Variants in RBFOX1 observed in about 807,000 individuals in gnomAD.
The protein encoded by RBFOX1 is RNA binding protein fox-1 homolog 1.
In RBFOX1, 8 loss-of-function variants were observed where a neutral mutation model predicts 57.7. The observed-to-expected ratio is 0.14, with a 90% confidence interval of 0.08 to 0.25. RBFOX1 has a LOEUF of 0.25. Among genes scored for constraint, RBFOX1 ranks in the 10% least tolerant of loss-of-function variants. The pLI is 1.00. For synonymous variants in RBFOX1, 326 were observed against 222.4 expected, an observed-to-expected ratio of 1.47 and a Z score of -4.15; for missense variants, 611 against 548.5, an observed-to-expected ratio of 1.11 and a Z score of -1.14.
At chr16:7,527,570 A>G (rs1284086941) in intron 5 of RBFOX1, among the ~76,000 whole-genome samples, 1 of 152,182 alleles carries the variant, frequency 6.6e-6, no homozygotes, top group Non-Finnish European at 1.5e-5. Context: ...TATCGGGAGA[A>G]GCAGAGTAGA....
At chr16:5,305,543 C>T (rs976433558) in intron 1 of RBFOX1, among the ~76,000 whole-genome samples, 1 of 152,124 alleles carries the variant, frequency 6.6e-6, no homozygotes, top group East Asian at 1.9e-4. Context: ...TTTCAGAAAC[C>T]TGCTGTTAGG....
At chr16:6,313,233 G>A (rs890352023) in intron 1 of RBFOX1, among the ~76,000 whole-genome samples, 13 of 152,180 alleles carry the variant, frequency 8.5e-5, no homozygotes, top group Non-Finnish European at 1.3e-4. Flanking sequence ...GCTGTGTCTA[G>A]GAGCAAATCA....
intron 1 of RBFOX1, among the ~76,000 whole-genome samples, chr16:6,167,276 C>A (rs1567600597): frequency 6.6e-6 from 1 of 152,212 alleles, no homozygotes; most frequent in Non-Finnish European, 1.5e-5. Flanking sequence ...ATCTTTCTTA[C>A]CTTTCCAAAT....
Position 7,653,912 on chromosome 16 carries a change from C to T in RBFOX1, c.855C>T (p.Ala285=), listed in dbSNP as rs753003961. The T allele has an allele frequency of 8.3e-6, 13 of 1,575,708 alleles. No individual in the cohort carries two copies. Among genetic ancestry groups the T allele is most frequent in the South Asian group, 3.4e-5 (3 of 88,384 alleles). Residue 285 remains alanine, a synonymous_variant, in exon 12 of 16, where the codon GCC becomes GCT. Transcript: ENST00000550418. ...GCACCGTGTACAACACCTTCAGGGC[C>T]GCGGCGCCCCCGCCCCCGATCCCGG... is the stretch of plus-strand genomic sequence containing the variant. ...RGRTVYNTFR[A]AAPPPPIPAY...
chr16:6,984,755 C>G (rs1458015504), intron 3 of RBFOX1, among the ~76,000 whole-genome samples: 1 of 152,124 alleles, frequency 6.6e-6, no homozygotes, highest in Non-Finnish European at 1.5e-5. Flanking sequence ...ATTCTCCTGC[C>G]TCAGCCTCCT....
chr16:6,867,238 CTTTTTTTCTTCCT>C (rs1028545132), intron 3 of RBFOX1, among the ~76,000 whole-genome samples: 6 of 152,040 alleles, frequency 3.9e-5, no homozygotes, highest in Non-Finnish European at 7.4e-5. Context: ...AAAAAAAATA[CTTTTTTTCTTCCT>C]TTTTTTTCCT....
downstream of RBFOX1, among the ~76,000 whole-genome samples, chr16:5,603,765 A>G (rs1034656211): frequency 6.6e-6 from 1 of 152,198 alleles, no homozygotes; most frequent in Non-Finnish European, 1.5e-5. Flanking sequence ...TCATGTGGCC[A>G]CAAGATGGAG....
chr16:5,577,298 G>A (rs150171955), intron 2 of RBFOX1, among the ~76,000 whole-genome samples: 16 of 152,326 alleles, frequency 1.1e-4, no homozygotes, highest in African/African-American at 3.9e-4. Flanking sequence ...GTAACTAGCA[G>A]CATTGTAGTG....
chr16:7,333,134 C>G (rs2096722964), intron 4 of RBFOX1: 1 of 1,556,550 alleles, frequency 6.4e-7, no homozygotes, highest in African/African-American at 1.4e-5. Flanking sequence ...CCAGAGTGCT[C>G]AGAGTAATAA....
chr16:6,512,527 C>G (rs764475332), intron 2 of RBFOX1, among the ~76,000 whole-genome samples: 1 of 152,028 alleles, frequency 6.6e-6, no homozygotes, highest in Non-Finnish European at 1.5e-5. Context: ...AGGGTCTGGA[C>G]CAAGACTGGG....
At position 6,526,829 on chromosome 16, in the gene RBFOX1, CAAAAAAAAAAAAAAAA is replaced by C. The variant is rs541468859; in HGVS notation, c.-63-127759_-63-127744del. 1.5e-4 allele frequency among the ~76,000 whole-genome samples: 5 copies of C among 32,896 alleles called. No homozygotes were observed. In the Admixed American group the frequency reaches 2.1e-3, roughly 14 times the overall value. The allele number at this position is 32,896 out of a possible 152,430, so 21.6% of individuals were successfully genotyped here. On this transcript the variant is annotated intron_variant, in intron 2 of 15. Coordinates refer to ENST00000550418, the MANE Select transcript of RBFOX1 (RefSeq NM_018723.4). ...TTGGCAACAGAGCGAGACTCTGTCT[CAAAAAAAAAAAAAAAA>C]AAAAAAAAAAAAAACAACCAGAAAA...
chr16:7,428,408 C>T (rs947892869), intron 4 of RBFOX1, among the ~76,000 whole-genome samples: 47 of 142,830 alleles, frequency 3.3e-4, no homozygotes, highest in African/African-American at 1.2e-3. Context: ...TTCACTGCAA[C>T]TTTTGCCTCC....
chr16:6,795,063 G>A (rs2083700034), intron 3 of RBFOX1, among the ~76,000 whole-genome samples: 1 of 152,126 alleles, frequency 6.6e-6, no homozygotes, highest in African/African-American at 2.4e-5. Flanking sequence ...TAGTTGATGT[G>A]ATATATGTCA....
intron 11 of RBFOX1, among the ~76,000 whole-genome samples, chr16:7,646,819 G>T (rs1368901018): frequency 6.6e-6 from 1 of 152,146 alleles, no homozygotes; most frequent in Non-Finnish European, 1.5e-5. Flanking sequence ...GGATTTCCTG[G>T]CTGGTGAGAT....
At chr16:5,332,910 G>T (rs1472312149) in intron 1 of RBFOX1, among the ~76,000 whole-genome samples, 8 of 152,254 alleles carry the variant, frequency 5.3e-5, no homozygotes, top group East Asian at 1.9e-4. Context: ...TAGAGGCCAG[G>T]TGGAGTGGCT....
chr16:6,971,991 C>T (rs140625421), intron 3 of RBFOX1, among the ~76,000 whole-genome samples: 8 of 152,174 alleles, frequency 5.3e-5, no homozygotes, highest in African/African-American at 1.4e-4. Context: ...AATCCCTGCA[C>T]GCAAGTTTTA....
chr16:6,471,612 A>C (rs1567351447), intron 2 of RBFOX1, among the ~76,000 whole-genome samples: 1 of 150,794 alleles, frequency 6.6e-6, no homozygotes, highest in Non-Finnish European at 1.5e-5. Flanking sequence ...GTGGCAGAGA[A>C]TTTGTATTTC....
intron 4 of RBFOX1, among the ~76,000 whole-genome samples, chr16:7,366,421 T>C (rs944076918): frequency 6.6e-6 from 1 of 152,144 alleles, no homozygotes; most frequent in African/African-American, 2.4e-5. Context: ...TGAGCCGAGT[T>C]TGGCCTTGAA....
rs545236567 is a variant in RBFOX1, at chr16:6,883,545, C to G, written c.-15-168512C>G. Among the ~76,000 whole-genome samples the G allele has an allele frequency of 9.8e-5, 15 of 152,328 alleles. 1 individual carries two copies. Among genetic ancestry groups the G allele is most frequent in the African/African-American group, 3.6e-4 (15 of 41,584 alleles). On this transcript the variant is annotated intron_variant, in intron 3 of 15. Transcript: ENST00000550418. Reference sequence around the variant, plus strand: ...TAAAGGGATCTTCCTAAACGGCACACTGCCATATGTAACTGCTCAGCTTAC... The same window carrying G: ...TAAAGGGATCTTCCTAAACGGCACAGTGCCATATGTAACTGCTCAGCTTAC...
Sources: allele counts gnomAD v4.1 joint callset (sites outside exome capture counted in the v4.1 genomes callset), GRCh38; gene constraint gnomAD v4.1.1; transcripts MANE v1.5; gene names NCBI Gene and HGNC (gene_info 2026-07-23, HGNC 2026-07-21).